Variants in SLC25A13 observed in about 807,000 individuals in gnomAD.
The protein encoded by SLC25A13 is solute carrier family 25 member 13, also known as electrogenic aspartate/glutamate antiporter SLC25A13, mitochondrial.
In SLC25A13, 70 loss-of-function variants were observed where a neutral mutation model predicts 85.5. The ratio of observed to expected loss-of-function variants is 0.82; its 90% CI spans 0.68 to 1.00. The LOEUF (loss-of-function observed/expected upper bound fraction) is 1.00, where lower values mean the gene tolerates loss of function less well. Ranked by LOEUF, SLC25A13 falls within the 50% of genes least tolerant of loss-of-function variation. SLC25A13 has a pLI of 0.00. For missense variants in SLC25A13, 765 were observed against 819.8 expected (o/e 0.93, Z 0.82); for synonymous variants, 259 against 288.7 (o/e 0.90, Z 1.04).
chr7:96,157,910 C>G (rs2116527038), intron 13 of SLC25A13, among the ~76,000 whole-genome samples: 1 of 152,324 alleles, frequency 6.6e-6, no homozygotes, highest in South Asian at 2.1e-4. Context: ...TCTCTAAGTA[C>G]TCCAAGAACA....
In SLC25A13 at chr7:96,255,745, C is replaced by T. The variant is rs143652605; in HGVS notation, c.213-20828G>A. 4.0e-3 allele frequency among the ~76,000 whole-genome samples: 615 copies of T among 152,032 alleles called. 3 individuals carry two copies. Among genetic ancestry groups the T allele is most frequent in the African/African-American group, 0.014 (579 of 41,504 alleles). On this transcript the variant is annotated intron_variant, in intron 3 of 17. Transcript: ENST00000265631. ...ACAAAAGGTCTCAAAGTAGTGACAA[C>T]TCAAAAGAAGGAAACATACCTAATC...
chr7:96,178,049 G>A (rs1794291562), intron 11 of SLC25A13, among the ~76,000 whole-genome samples: 1 of 152,148 alleles, frequency 6.6e-6, no homozygotes, highest in Admixed American at 6.5e-5. Context: ...AAGGGATGGT[G>A]CCCATGTAGC....
intron 5 of SLC25A13, among the ~76,000 whole-genome samples, chr7:96,198,450 G>A (rs1333197094): frequency 6.6e-6 from 1 of 152,208 alleles, no homozygotes; most frequent in Non-Finnish European, 1.5e-5. Flanking sequence ...AAAGCTGAAT[G>A]CTTCAACACT....
intron 14 of SLC25A13, among the ~76,000 whole-genome samples, chr7:96,144,132 T>A (rs1207083775): frequency 1.3e-5 from 2 of 152,170 alleles, no homozygotes; most frequent in African/African-American, 4.8e-5. Context: ...CCTAGAAAGA[T>A]GGATCTTAAC....
intron 17 of SLC25A13, 82 bp from the exon 18 acceptor site, chr7:96,121,459 A>C: frequency 6.5e-7 from 1 of 1,527,884 alleles, no homozygotes; most frequent in South Asian, 1.1e-5. Context: ...AACCTGTTCA[A>C]ATATTTAATG....
chr7:96,281,457 T>A (rs1323354698), intron 2 of SLC25A13, among the ~76,000 whole-genome samples: 3 of 146,832 alleles, frequency 2.0e-5, no homozygotes, highest in African/African-American at 7.6e-5. Context: ...ATCCTAAGGG[T>A]AAAAGAAAAG....
At chr7:96,206,038 C>T (rs538436210) in intron 5 of SLC25A13, among the ~76,000 whole-genome samples, 6 of 152,224 alleles carry the variant, frequency 3.9e-5, no homozygotes, top group South Asian at 2.1e-4. Context: ...ATGTGCTGGC[C>T]GGAACCAACC....
intron 1 of SLC25A13, among the ~76,000 whole-genome samples, chr7:96,308,842 A>G (rs1249150820): frequency 6.6e-6 from 1 of 152,250 alleles, no homozygotes; most frequent in Non-Finnish European, 1.5e-5. Context: ...AAGCGCTCTT[A>G]GAACAAATCA....
At chr7:96,303,604 T>C (rs1453237188) in intron 1 of SLC25A13, among the ~76,000 whole-genome samples, 5 of 152,230 alleles carry the variant, frequency 3.3e-5, no homozygotes, top group South Asian at 2.1e-4. Flanking sequence ...CTATGCGGCC[T>C]ATGTGCCATC....
chr7:96,248,336 G>A (rs1562875837), intron 3 of SLC25A13, among the ~76,000 whole-genome samples: 1 of 152,052 alleles, frequency 6.6e-6, no homozygotes. Context: ...TAAAATCCTG[G>A]CAGCAAGGGC....
At position 96,296,933 on chromosome 7, in the gene SLC25A13, C is replaced by A; in HGVS notation, c.34G>T (p.Ala12Ser). 1.2e-6 allele frequency: 2 copies of A among 1,613,638 alleles called. No homozygotes were observed. The highest frequency in any genetic ancestry group is 1.7e-6 in the Non-Finnish European group (2 of 1,179,666). The change falls in exon 2 of 18, where the codon GCA becomes TCA. Residue 12 changes from alanine to serine, a missense_variant. Coordinates refer to ENST00000265631, the MANE Select transcript of SLC25A13 (RefSeq NM_014251.3). ...AAAKVALTKR[A>S]DPAELRTIFL... ...ATTGTTCTAAGCTCAGCTGGATCTG[C>A]TCTCTTGGTTAAAGCCACCTATAAA...
chr7:96,165,851 ATTG>A (rs1793718000), intron 13 of SLC25A13, among the ~76,000 whole-genome samples: 1 of 152,182 alleles, frequency 6.6e-6, no homozygotes, highest in Admixed American at 6.5e-5. Flanking sequence ...CTGTGTCTGT[ATTG>A]TTGTGTTTTT....
intron 15 of SLC25A13, among the ~76,000 whole-genome samples, chr7:96,131,259 C>A (rs932440989): frequency 6.6e-6 from 1 of 152,152 alleles, no homozygotes; most frequent in East Asian, 1.9e-4. Context: ...ACCATCCCCC[C>A]GTAACACAGG....
chr7:96,153,727 G>C (rs1000861006), intron 13 of SLC25A13, among the ~76,000 whole-genome samples: 2 of 152,238 alleles, frequency 1.3e-5, no homozygotes, highest in Non-Finnish European at 2.9e-5. Context: ...TTGAATACTA[G>C]CACCAGTGTA....
intron 14 of SLC25A13, among the ~76,000 whole-genome samples, chr7:96,133,974 A>C (rs1297552927): frequency 6.6e-6 from 1 of 151,880 alleles, no homozygotes; most frequent in African/African-American, 2.4e-5. Context: ...TATTTCTTGG[A>C]AAAACATATC....
intron 1 of SLC25A13, among the ~76,000 whole-genome samples, chr7:96,301,239 A>G (rs1465290788): frequency 2.0e-5 from 3 of 152,194 alleles, no homozygotes; most frequent in Non-Finnish European, 4.4e-5. Flanking sequence ...GAATTATTAG[A>G]CTTCGTTCAT....
intron 4 of SLC25A13, 71 bp downstream of exon 4, chr7:96,234,731 A>T (rs1584492009): frequency 8.7e-7 from 1 of 1,155,746 alleles, no homozygotes; most frequent in Non-Finnish European, 1.3e-6. Flanking sequence ...TTTTGTTCCT[A>T]GAAAAAAAAA....
intron 15 of SLC25A13, among the ~76,000 whole-genome samples, chr7:96,131,284 C>A (rs1377725150): frequency 1.3e-5 from 2 of 152,096 alleles, no homozygotes; most frequent in African/African-American, 4.8e-5. Flanking sequence ...AAACAGGTGT[C>A]TCTAATTGGC....
At chr7:96,131,355 G>A (rs1157675243) in intron 15 of SLC25A13, among the ~76,000 whole-genome samples, 1 of 152,102 alleles carries the variant, frequency 6.6e-6, no homozygotes, top group African/African-American at 2.4e-5. Flanking sequence ...GTTCTGGACA[G>A]GCTTTTATGC....
Sources: gnomAD v4.1 joint callset for allele counts (sites outside exome capture counted in the v4.1 genomes callset) on GRCh38, gnomAD v4.1.1 for gene constraint, MANE v1.5 for transcripts, NCBI Gene and HGNC (gene_info 2026-07-23, HGNC 2026-07-21) for gene names.